SGCZ: variants seen among roughly 807,000 people sequenced by gnomAD.
SGCZ encodes the protein zeta-sarcoglycan.
In SGCZ, 40 loss-of-function variants were observed where a neutral mutation model predicts 41.3. The observed-to-expected ratio is 0.97, with a 90% confidence interval of 0.75 to 1.26. The LOEUF (loss-of-function observed/expected upper bound fraction) is 1.26, where lower values mean the gene tolerates loss of function less well. Among genes scored for constraint, SGCZ ranks in the 50% most tolerant of loss-of-function variants. The pLI is 0.00. For synonymous variants in SGCZ, 206 were observed against 137.5 expected (o/e 1.50, Z -3.49); for missense variants, 552 against 369.8 (o/e 1.49, Z -4.04).
At chr8:15,171,028 G>T (rs1204347780) in intron 1 of SGCZ, among the ~76,000 whole-genome samples, 1 of 152,116 alleles carries the variant, frequency 6.6e-6, no homozygotes, top group East Asian at 1.9e-4. Flanking sequence ...AACAAATTAT[G>T]AGGCTATCTG....
chr8:14,803,275 G>A (rs907295367), intron 1 of SGCZ, among the ~76,000 whole-genome samples: 13 of 152,246 alleles, frequency 8.5e-5, no homozygotes, highest in East Asian at 5.8e-4. Flanking sequence ...CAGCGTGAGC[G>A]ACGCAGAAGA....
chr8:14,250,605 G>T (rs914274542), intron 3 of SGCZ, among the ~76,000 whole-genome samples: 2 of 152,134 alleles, frequency 1.3e-5, no homozygotes, highest in Non-Finnish European at 2.9e-5. Flanking sequence ...CCATATATCT[G>T]CATGGATCAG....
chr8:14,533,006 T>C (rs1190270585), intron 2 of SGCZ, among the ~76,000 whole-genome samples: 1 of 152,070 alleles, frequency 6.6e-6, no homozygotes, highest in East Asian at 1.9e-4. Flanking sequence ...TTTGTTATTA[T>C]TATTATACTT....
chr8:14,362,788 G>A (rs564688096), intron 2 of SGCZ, among the ~76,000 whole-genome samples: 31 of 151,736 alleles, frequency 2.0e-4, no homozygotes, highest in Non-Finnish European at 3.5e-4. Flanking sequence ...ATCTCATTAG[G>A]AGCTGTAGAC....
At position 14,699,966 on chromosome 8, in the gene SGCZ, G is replaced by A. The variant is rs573514100; in HGVS notation, c.40-145040C>T. ...AAGCCAAAACATAGCAGATGTTGGC[G>A]AGGTTGCAGAGAAAAGGGAACTTTT... is the stretch of plus-strand genomic sequence containing the variant. On this transcript the variant is annotated intron_variant, in intron 1 of 7. Transcript: ENST00000382080. Among the ~76,000 whole-genome samples, 37 of 152,060 alleles carry A rather than the reference G, an allele frequency of 2.4e-4. No individual in the cohort carries two copies. In the East Asian group the frequency reaches 5.4e-3, roughly 22 times the overall value.
At chr8:15,030,383 TA>T (rs1049613655) in intron 1 of SGCZ, among the ~76,000 whole-genome samples, 2 of 151,732 alleles carry the variant, frequency 1.3e-5, no homozygotes, top group East Asian at 1.9e-4. Context: ...CTTAAAGCAG[TA>T]AAAAAAAGGT....
intron 1 of SGCZ, among the ~76,000 whole-genome samples, chr8:15,031,102 A>AT (rs1459881151): frequency 1.3e-5 from 2 of 152,122 alleles, no homozygotes; most frequent in Non-Finnish European, 2.9e-5. Context: ...CACTTAAAGT[A>AT]TTAGAACAGA....
At chr8:14,475,954 G>C (rs1478598209) in intron 2 of SGCZ, among the ~76,000 whole-genome samples, 1 of 151,692 alleles carries the variant, frequency 6.6e-6, no homozygotes, top group Non-Finnish European at 1.5e-5. Context: ...TCCCACTACA[G>C]GTTTGCGCCA....
At chr8:14,602,440 AT>A (rs1563145248) in intron 1 of SGCZ, among the ~76,000 whole-genome samples, 2 of 151,908 alleles carry the variant, frequency 1.3e-5, no homozygotes, top group South Asian at 4.2e-4. Context: ...CTGGGAGGTA[AT>A]TGGGAGGCTG....
chr8:14,736,576 C>T (rs1799038102), intron 1 of SGCZ, among the ~76,000 whole-genome samples: 2 of 152,168 alleles, frequency 1.3e-5, no homozygotes, highest in African/African-American at 2.4e-5. Flanking sequence ...GCACCCATCA[C>T]CTGAGCAGTA....
At position 14,338,369 on chromosome 8, in the gene SGCZ, G is replaced by C. The variant is rs535440750; in HGVS notation, c.235-14165C>G. Among the ~76,000 whole-genome samples the C allele has an allele frequency of 8.5e-5, 13 of 152,290 alleles. No individual in the cohort carries two copies. In the East Asian group the frequency reaches 2.3e-3, roughly 27 times the overall value. On this transcript the variant is annotated intron_variant, in intron 2 of 7. Transcript: ENST00000382080. ...GAATAAAGCCATCTTTCCAAGGGTA[G>C]ACACCCACGTGGGTAGCTTATGTAA...
intron 1 of SGCZ, among the ~76,000 whole-genome samples, chr8:14,867,367 G>T (rs908830861): frequency 6.6e-6 from 1 of 152,000 alleles, no homozygotes. Context: ...GGGCATTTAG[G>T]TTGATTTCAT....
At chr8:15,014,390 TACTC>T (rs1461414757) in intron 1 of SGCZ, among the ~76,000 whole-genome samples, 1 of 152,214 alleles carries the variant, frequency 6.6e-6, no homozygotes, top group Admixed American at 6.5e-5. Flanking sequence ...ATTATCCACT[TACTC>T]AGGAATGGTA....
intron 5 of SGCZ, among the ~76,000 whole-genome samples, chr8:14,147,624 A>G (rs1803566800): frequency 6.6e-6 from 1 of 152,210 alleles, no homozygotes; most frequent in South Asian, 2.1e-4. Context: ...TGGAAACTTT[A>G]ACACCCCACT....
intron 4 of SGCZ, among the ~76,000 whole-genome samples, chr8:14,222,600 G>A (rs1331239379): frequency 6.6e-6 from 1 of 152,032 alleles, no homozygotes; most frequent in African/African-American, 2.4e-5. Flanking sequence ...ACGAAGATCA[G>A]AAAACTCTTC....
intron 1 of SGCZ, among the ~76,000 whole-genome samples, chr8:15,021,859 C>G (rs1196688238): frequency 2.0e-5 from 3 of 152,180 alleles, no homozygotes; most frequent in Admixed American, 6.5e-5. Flanking sequence ...TGACCACCTC[C>G]TGGAATGCCC....
intron 3 of SGCZ, among the ~76,000 whole-genome samples, chr8:14,299,285 A>G (rs1801113609): frequency 6.6e-6 from 1 of 151,978 alleles, no homozygotes; most frequent in Admixed American, 6.6e-5. Context: ...CAGAACACAG[A>G]AAGCACTGTC....
At chr8:14,121,232 T>G (rs1296850195) in intron 5 of SGCZ, among the ~76,000 whole-genome samples, 3 of 151,842 alleles carry the variant, frequency 2.0e-5, no homozygotes, top group African/African-American at 7.2e-5. Context: ...TTAAATATAT[T>G]CAACTATATT....
At chr8:15,137,580 C>G (rs1441770633) in intron 1 of SGCZ, among the ~76,000 whole-genome samples, 1 of 152,134 alleles carries the variant, frequency 6.6e-6, no homozygotes, top group Non-Finnish European at 1.5e-5. Context: ...CCCTGTGTCC[C>G]AGATGCTCCA....
Sources: gnomAD v4.1 joint callset for allele counts (sites outside exome capture counted in the v4.1 genomes callset) on GRCh38, gnomAD v4.1.1 for gene constraint, MANE v1.5 for transcripts, NCBI Gene and HGNC (gene_info 2026-07-23, HGNC 2026-07-21) for gene names.